RYR3: variants seen among roughly 807,000 people sequenced by gnomAD.
RYR3 encodes ryanodine receptor 3, also known as brain ryanodine receptor-calcium release channel.
A neutral mutation model predicts 584.3 loss-of-function variants in RYR3; 207 were observed. The ratio of observed to expected loss-of-function variants is 0.35; its 90% CI spans 0.32 to 0.40. RYR3 has a LOEUF of 0.40. RYR3 is among the 10% of genes least tolerant of loss of function. The probability of loss-of-function intolerance (pLI) is 1.00; values close to 1 mark genes in which losing one functional copy is unlikely to be tolerated. For missense variants in RYR3, 5,616 were observed against 6,089.2 expected (o/e 0.92, Z 2.59); for synonymous variants, 2,416 against 2,248.5 (o/e 1.07, Z -2.11).
intron 38 of RYR3, among the ~76,000 whole-genome samples, chr15:33,688,079 C>A (rs12916345): frequency 0.63 from 95,612 of 151,960 alleles, 30,269 homozygotes; most frequent in African/African-American, 0.69. Flanking sequence ...TAATTAAACT[C>A]AAGAGCTTCT....
chr15:33,706,175 G>A (rs79167204), intron 42 of RYR3, among the ~76,000 whole-genome samples: 2 of 151,612 alleles, frequency 1.3e-5, no homozygotes, highest in African/African-American at 4.8e-5. Context: ...TTCTTTCTTT[G>A]TTTGTTTCTT....
rs749990837 is a variant in RYR3, at chr15:33,857,808, T to C, written c.14036T>C (p.Val4679Ala). The C allele has an allele frequency of 6.2e-7, 1 of 1,614,102 alleles. No individual in the cohort carries two copies. The highest frequency in any genetic ancestry group is 8.5e-7 in the Non-Finnish European group (1 of 1,179,980). Reference sequence around the variant, plus strand: ...GTTCTGACTGTCGGTCTCCTGGCCGTGGTGGTTTATCTCTATACTGTGGTG... The same window carrying C: ...GTTCTGACTGTCGGTCTCCTGGCCGCGGTGGTTTATCTCTATACTGTGGTG... ...QLVLTVGLLA[V>A]VVYLYTVVAF... Residue 4679 changes from valine to alanine, a missense_variant, in exon 99 of 104, where the codon GTG becomes GCG. Physicochemically the swap from Val to Ala is moderately conservative, Grantham distance 64 (BLOSUM62 0). Around this residue, in one of 9 missense-constraint regions of RYR3, gnomAD observed 918 missense variants for 887.4 expected, o/e 1.03. Coordinates refer to ENST00000634891, the MANE Select transcript of RYR3 (RefSeq NM_001036.6).
chr15:33,538,571 G>A lies in RYR3; in HGVS notation c.434-779G>A, dbSNP rs1031757684. On this transcript the variant is annotated intron_variant, in intron 5 of 103. Transcript: ENST00000634891. ...GATTAAACTTCTAATCTTCTATAGC[G>A]TGGAGGAGGAGAGGTCTTCTGGCTG... Among the ~76,000 whole-genome samples, 9 of 152,258 alleles carry A rather than the reference G, an allele frequency of 5.9e-5. No homozygotes were observed. In the East Asian group the frequency reaches 7.7e-4, roughly 13 times the overall value.
intron 43 of RYR3, 198 bp from the exon 44 acceptor site, chr15:33,722,517 G>C (rs917165577): frequency 1.2e-5 from 7 of 592,804 alleles, no homozygotes; most frequent in Non-Finnish European, 1.8e-5. Context: ...AGTGAGTGGG[G>C]TTTATAACTA....
At chr15:33,585,471 G>A (rs143158674) in intron 15 of RYR3, among the ~76,000 whole-genome samples, 1 of 152,214 alleles carries the variant, frequency 6.6e-6, no homozygotes, top group East Asian at 1.9e-4. Context: ...AGGGGGAAAA[G>A]CCAAATAGAC....
At chr15:33,385,426 G>A (rs531175454) in intron 1 of RYR3, among the ~76,000 whole-genome samples, 3 of 152,216 alleles carry the variant, frequency 2.0e-5, no homozygotes, top group Non-Finnish European at 4.4e-5. Context: ...TGAGTAATGG[G>A]CATTATGATT....
chr15:33,860,561 A>G (rs1330151997), intron 100 of RYR3, 34 bp from the exon 101 acceptor site: 7 of 1,405,490 alleles, frequency 5.0e-6, no homozygotes, highest in Non-Finnish European at 4.9e-6. Context: ...GAACCACTAC[A>G]CAGATTGCTT....
At chr15:33,488,235 A>G (rs978510180) in intron 2 of RYR3, among the ~76,000 whole-genome samples, 1 of 152,218 alleles carries the variant, frequency 6.6e-6, no homozygotes, top group Non-Finnish European at 1.5e-5. Flanking sequence ...TGTGTAAAGT[A>G]GCACCATAAG....
rs370048977 is a variant in RYR3 at position 33,453,200 on chromosome 15, A to AT, written c.52-20216dup. 1.9e-3 allele frequency among the ~76,000 whole-genome samples: 284 copies of AT among 152,346 alleles called. 1 individual carries two copies. Among genetic ancestry groups the AT allele is most frequent in the African/African-American group, 6.3e-3 (264 of 41,582 alleles). ...ATCATCCATTTGTTGGCTTAAGAAC[A>AT]TTTGAAAGGTTAAGTGCTATATTAA... On this transcript the variant is annotated intron_variant, in intron 1 of 103. Coordinates refer to ENST00000634891, the MANE Select transcript of RYR3 (RefSeq NM_001036.6).
At position 33,708,321 on chromosome 15, in the gene RYR3, A is replaced by G. The variant is rs112370584; in HGVS notation, c.6619+1267A>G. 1.7e-3 allele frequency among the ~76,000 whole-genome samples: 265 copies of G among 152,322 alleles called. 1 individual carries two copies. Among genetic ancestry groups the G allele is most frequent in the Middle Eastern group, 0.01 (3 of 294 alleles). ...TTGCAGACAAATCTGATCAAGGCAG[A>G]ACCAATTTATTCATCTTGGTCACCT... On this transcript the variant is annotated intron_variant, in intron 43 of 103. Coordinates refer to ENST00000634891, the MANE Select transcript of RYR3 (RefSeq NM_001036.6).
At chr15:33,343,814 T>G (rs1486625307) in intron 1 of RYR3, among the ~76,000 whole-genome samples, 2 of 152,212 alleles carry the variant, frequency 1.3e-5, no homozygotes, top group South Asian at 4.1e-4. Flanking sequence ...TTATTTGGCC[T>G]ATTTATTTGG....
rs10682215 is a variant in RYR3, at chr15:33,385,710, C to CTTT, written c.51+74623_51+74625dup. ...TTTTCTTTTTTTTTCTTTTTCTTTT[C>CTTT]TTTTTTTTTTTGAGACAGGGTCTCA... On this transcript the variant is annotated intron_variant, in intron 1 of 103. Coordinates refer to ENST00000634891, the MANE Select transcript of RYR3 (RefSeq NM_001036.6). Among the ~76,000 whole-genome samples the CTTT allele has an allele frequency of 2.0e-4, 26 of 131,352 alleles. 2 individuals carry two copies. Among genetic ancestry groups the CTTT allele is most frequent in the Non-Finnish European group, 2.9e-4 (19 of 64,616 alleles). The allele number at this position is 131,352 out of a possible 152,430, so 86.2% of individuals were successfully genotyped here.
intron 1 of RYR3, among the ~76,000 whole-genome samples, chr15:33,392,285 A>G (rs1416537543): frequency 6.6e-6 from 1 of 151,270 alleles, no homozygotes; most frequent in East Asian, 2.0e-4. Flanking sequence ...CTTAGGGTGA[A>G]CCTTTCCAAA....
chr15:33,788,526 G>A (rs2074884150), intron 67 of RYR3, 68 bp downstream of exon 67: 1 of 1,567,228 alleles, frequency 6.4e-7, no homozygotes. Context: ...AGAATAAAAT[G>A]GAAAGATGGT....
At chr15:33,582,271 G>A (rs1056342443) in intron 14 of RYR3, among the ~76,000 whole-genome samples, 1 of 152,292 alleles carries the variant, frequency 6.6e-6, no homozygotes, top group Middle Eastern at 3.4e-3. Flanking sequence ...CGGCCACCAG[G>A]AGTTGCTCAG....
chr15:33,729,116 A>C (rs1236702179), intron 47 of RYR3, 90 bp downstream of exon 47: 12 of 1,069,786 alleles, frequency 1.1e-5, no homozygotes, highest in Non-Finnish European at 5.4e-6. Flanking sequence ...CTCTTTACTC[A>C]CCAATTACAT....
At chr15:33,700,901 C>A (rs532329983) in intron 41 of RYR3, 76 bp from the exon 42 acceptor site, 2 of 1,011,784 alleles carry the variant, frequency 2.0e-6, no homozygotes, top group Non-Finnish European at 3.0e-6. Flanking sequence ...TGTCCGCTTA[C>A]GTGCACTGCA....
chr15:33,386,097 G>T (rs2141238611), intron 1 of RYR3, among the ~76,000 whole-genome samples: 1 of 152,234 alleles, frequency 6.6e-6, no homozygotes, highest in East Asian at 1.9e-4. Flanking sequence ...AGGCTAAAAA[G>T]AAAATCTTTT....
chr15:33,526,784 G>A (rs1421886836), intron 3 of RYR3, among the ~76,000 whole-genome samples: 1 of 152,148 alleles, frequency 6.6e-6, no homozygotes, highest in Non-Finnish European at 1.5e-5. Flanking sequence ...TGGTCATGGA[G>A]CTTATATTCT....
Sources: allele counts gnomAD v4.1 joint callset (sites outside exome capture counted in the v4.1 genomes callset), GRCh38; gene constraint gnomAD v4.1.1; regional missense constraint gnomAD v4.1.1; transcripts MANE v1.5; gene names NCBI Gene and HGNC (gene_info 2026-07-23, HGNC 2026-07-21).